The following USP47 variants were observed in gnomAD, a reference collection of about 807,000 sequenced individuals.
USP47 encodes ubiquitin carboxyl-terminal hydrolase 47.
Under a neutral mutation model 165.1 loss-of-function variants are expected in USP47, and 35 were observed. The observed-to-expected ratio is 0.21, with a 90% CI of 0.16 to 0.28. USP47 has a LOEUF of 0.28. Among genes scored for constraint, USP47 ranks in the 10% least tolerant of loss-of-function variants. USP47 has a pLI of 1.00. For synonymous variants in USP47, 531 were observed against 544.5 expected, an observed-to-expected ratio of 0.98 and a Z score of 0.35; for missense variants, 1,277 against 1,607.4, an observed-to-expected ratio of 0.79 and a Z score of 3.52.
rs553788123 is a variant in USP47 at position 11,891,950 on chromosome 11, G to A, written c.358-18G>A. On this transcript the variant is annotated intron_variant, in intron 3 of 27. Transcript: ENST00000527733. ...AACATTTGCTATTTACTAACTATTTGAATATGTTGCATTTTAGGAGGATTC... is the reference window on the plus strand; with the variant it reads ...AACATTTGCTATTTACTAACTATTTAAATATGTTGCATTTTAGGAGGATTC... The A allele has an allele frequency of 5.0e-6, 8 of 1,607,218 alleles. No individual in the cohort carries two copies. In the East Asian group the frequency reaches 1.6e-4, roughly 31 times the overall value.
chr11:11,855,277 T>G (rs1255805158), intron 1 of USP47, among the ~76,000 whole-genome samples: 1 of 152,222 alleles, frequency 6.6e-6, no homozygotes, highest in Non-Finnish European at 1.5e-5. Context: ...GAAATGTTAT[T>G]TTAAAGCAGG....
chr11:11,914,192 T>C (rs1165021580), intron 8 of USP47, among the ~76,000 whole-genome samples: 3 of 152,030 alleles, frequency 2.0e-5, no homozygotes, highest in African/African-American at 2.4e-5. Context: ...CTATGTGATA[T>C]TGGTAGAGGG....
In USP47 at chr11:11,949,892, TGCA is replaced by T; in HGVS notation, c.3353_3355del (p.Cys1118_Lys1119delinsTer). On this transcript the variant is annotated stop_gained and inframe_deletion, in exon 23 of 28. Coordinates refer to ENST00000527733, the MANE Select transcript of USP47 (RefSeq NM_001282659.2). LOFTEE classifies it high-confidence loss of function. ...TTGTTTATGTTTATATTTCTAGCCA[TGCA>T]AGTTTCTGCTAGATGCTGTGTTTGC... 1 of 1,605,604 alleles carries T rather than the reference TGCA, an allele frequency of 6.2e-7. No homozygotes were observed. Among genetic ancestry groups the T allele is most frequent in the Non-Finnish European group, 8.5e-7 (1 of 1,173,646 alleles).
intron 1 of USP47, among the ~76,000 whole-genome samples, chr11:11,873,239 G>T (rs535373282): frequency 3.3e-5 from 5 of 152,222 alleles, no homozygotes; most frequent in Admixed American, 1.3e-4. Flanking sequence ...TACAGAAAAA[G>T]TGTAGAGTGA....
At chr11:11,927,293 G>C (rs1246927130) in intron 11 of USP47, among the ~76,000 whole-genome samples, 1 of 151,840 alleles carries the variant, frequency 6.6e-6, no homozygotes, top group African/African-American at 2.4e-5. Flanking sequence ...TTTGTTTTTT[G>C]TTGTTGTTTT....
intron 14 of USP47, among the ~76,000 whole-genome samples, 157 bp from the exon 15 acceptor site, chr11:11,932,847 C>T (rs1241354149): frequency 6.6e-6 from 1 of 151,988 alleles, no homozygotes; most frequent in Non-Finnish European, 1.5e-5. Flanking sequence ...CTTTTCTGGA[C>T]GAAGCTTGTA....
rs141223169 is a variant in USP47 at position 11,884,795 on chromosome 11, C to T, written c.357+215C>T. 238 of 423,134 alleles carry T rather than the reference C, an allele frequency of 5.6e-4. 1 individual carries two copies. The highest frequency in any genetic ancestry group is 4.4e-3 in the African/African-American group (217 of 49,078). The allele number at this position is 423,134 out of a possible 1,614,324, so 26.2% of individuals were successfully genotyped here. A position where few individuals can be genotyped will look rare whatever the true frequency, so the allele number is the denominator to read the frequency against. On this transcript the variant is annotated intron_variant, in intron 3 of 27. Coordinates refer to ENST00000527733, the MANE Select transcript of USP47 (RefSeq NM_001282659.2). ...TATTTGTGTATACAGTCTGTTGCCG[C>T]CTTGGATTTAACATATACTGCTGTC...
intron 1 of USP47, 92 bp from the exon 2 acceptor site, chr11:11,880,084 CT>C (rs1209048667): frequency 1.1e-6 from 1 of 900,630 alleles, no homozygotes; most frequent in Admixed American, 3.5e-5. Flanking sequence ...TTCCTGAGGT[CT>C]TTTACATTTA....
chr11:11,867,917 T>G (rs970196975), intron 1 of USP47, among the ~76,000 whole-genome samples: 6 of 152,060 alleles, frequency 3.9e-5, no homozygotes, highest in Non-Finnish European at 7.4e-5. Flanking sequence ...TGGTGTGAAT[T>G]GGGGCTGCAA....
intron 3 of USP47, among the ~76,000 whole-genome samples, chr11:11,890,629 A>C (rs1202490711): frequency 6.6e-6 from 1 of 152,192 alleles, no homozygotes; most frequent in Non-Finnish European, 1.5e-5. Context: ...AGAGGCAGAA[A>C]TACCATTTGA....
chr11:11,863,437 A>T (rs1053924357), intron 1 of USP47, among the ~76,000 whole-genome samples: 2 of 152,242 alleles, frequency 1.3e-5, no homozygotes, highest in African/African-American at 2.4e-5. Flanking sequence ...TCAGATTTTT[A>T]AAAAATATGA....
chr11:11,952,489 A>G (rs1324435505), intron 24 of USP47: 3 of 245,384 alleles, frequency 1.2e-5, no homozygotes, highest in East Asian at 9.0e-5. Flanking sequence ...GCAGTGTTCA[A>G]CAGGAGTCAG....
intron 19 of USP47, 101 bp from the exon 20 acceptor site, chr11:11,942,220 TCACACATGTTATAA>T: frequency 8.4e-7 from 1 of 1,190,836 alleles, no homozygotes. Flanking sequence ...AACTATATCA[TCACACATGTTATAA>T]CATAACTGTG....
At chr11:11,911,859 A>G (rs2134519478) in intron 8 of USP47, among the ~76,000 whole-genome samples, 1 of 152,226 alleles carries the variant, frequency 6.6e-6, no homozygotes, top group South Asian at 2.1e-4. Flanking sequence ...GCTCTGGACC[A>G]TAAGACCTCA....
intron 5 of USP47, among the ~76,000 whole-genome samples, chr11:11,900,349 A>G (rs1590335988): frequency 6.6e-6 from 1 of 151,836 alleles, no homozygotes; most frequent in East Asian, 1.9e-4. Context: ...TTTAGTAGAG[A>G]TGGGGTTTCA....
intron 5 of USP47, among the ~76,000 whole-genome samples, chr11:11,900,214 A>G (rs1386261590): frequency 2.5e-4 from 33 of 132,128 alleles, no homozygotes; most frequent in Non-Finnish European, 1.5e-5. Context: ...GCTGGAGTGC[A>G]GTGGCGCGAT....
In USP47 at chr11:11,952,843, G is replaced by C. The variant is rs1333666040; in HGVS notation, c.3686G>C (p.Ser1229Thr). Residue 1229 changes from serine (S) to threonine (T), a missense_variant, in exon 25 of 28, where the codon AGC becomes ACC. Physicochemically the swap from Ser to Thr is moderately conservative, Grantham distance 58. Around this residue, in one of 4 missense-constraint regions of USP47, gnomAD observed 909 missense variants for 1,068.1 expected, o/e 0.85. Transcript: ENST00000527733. ...LDPFQEVVLE[S>T]SSVDELREKL... ...CCCTTCCAGGAGGTTGTATTGGAAA[G>C]CAGTAGTGTGGACGAATTGCGAGAG... is the stretch of plus-strand genomic sequence containing the variant. 1 of 1,610,120 alleles carries C rather than the reference G, an allele frequency of 6.2e-7. No homozygotes were observed. Among genetic ancestry groups the C allele is most frequent in the African/African-American group, 1.3e-5 (1 of 74,632 alleles).
Position 11,955,099 on chromosome 11 carries a change from T to C in USP47, c.3828T>C (p.Pro1276=). 1 of 1,613,966 alleles carries C rather than the reference T, an allele frequency of 6.2e-7. No homozygotes were observed. Among genetic ancestry groups the C allele is most frequent in the East Asian group, 2.2e-5 (1 of 44,832 alleles). Residue 1276 remains proline (P), a synonymous_variant, in exon 27 of 28, where the codon CCT becomes CCC. Coordinates refer to ENST00000527733, the MANE Select transcript of USP47 (RefSeq NM_001282659.2). ...LDIHQDLDWN[P]KVSTLNVWPL... Reference sequence around the variant, plus strand: ...TTCATCAGGATTTAGACTGGAATCCTAAAGTTTCTACCCTGAATGTCTGGC... The same window carrying C: ...TTCATCAGGATTTAGACTGGAATCCCAAAGTTTCTACCCTGAATGTCTGGC...
intron 8 of USP47, among the ~76,000 whole-genome samples, chr11:11,909,319 C>T (rs1028185295): frequency 1.3e-5 from 2 of 152,036 alleles, no homozygotes; most frequent in African/African-American, 4.8e-5. Context: ...ATAGTTAGAA[C>T]CTTCTATGTT....
Sources: gnomAD v4.1 joint callset for allele counts (sites outside exome capture counted in the v4.1 genomes callset) on GRCh38, gnomAD v4.1.1 for gene constraint, gnomAD v4.1.1 regional missense constraint, MANE v1.5 for transcripts, NCBI Gene and HGNC (gene_info 2026-07-23, HGNC 2026-07-21) for gene names.